Variants in PRELID2 observed in about 807,000 individuals in gnomAD.
The protein encoded by PRELID2 is PRELI domain-containing protein 2.
In PRELID2, 25 loss-of-function variants were observed where a neutral mutation model predicts 28.4. The observed-to-expected ratio is 0.88, with a 90% CI of 0.64 to 1.23. PRELID2 has a LOEUF of 1.23. Ranked by LOEUF, PRELID2 falls within the 50% of genes most tolerant of loss-of-function variation. The pLI, the probability that PRELID2 is intolerant of heterozygous loss-of-function variation, is 0.00. For synonymous variants in PRELID2, 76 were observed against 71.6 expected (o/e 1.06, Z -0.31); for missense variants, 201 against 214.4 (o/e 0.94, Z 0.39).
intron 5 of PRELID2, among the ~76,000 whole-genome samples, chr5:145,788,760 T>A (rs1752171529): frequency 6.6e-6 from 1 of 151,934 alleles, no homozygotes; most frequent in African/African-American, 2.4e-5. Context: ...TATATATATA[T>A]AAAACCCTAA....
At chr5:145,665,066 T>C (rs1038684645) in intron 1 of PRELID2, among the ~76,000 whole-genome samples, 1 of 152,066 alleles carries the variant, frequency 6.6e-6, no homozygotes, top group African/African-American at 2.4e-5. Context: ...GAAGGAAAGT[T>C]GCAGTCTCTC....
chr5:145,428,535 C>A, the PRELID2 span, among the ~76,000 whole-genome samples: 15 of 152,072 alleles, frequency 9.9e-5, no homozygotes, highest in South Asian at 3.1e-3. Flanking sequence ...GGAAGGGCTA[C>A]GGAGAAGTTG....
At chr5:145,236,183 G>A in the PRELID2 span, among the ~76,000 whole-genome samples, 4 of 152,122 alleles carry the variant, frequency 2.6e-5, no homozygotes, top group Non-Finnish European at 4.4e-5. Context: ...GTGGTAGATT[G>A]CATGATCATT....
the PRELID2 span, among the ~76,000 whole-genome samples, chr5:145,422,067 T>C: frequency 1.4e-5 from 2 of 140,412 alleles, no homozygotes; most frequent in Non-Finnish European, 3.1e-5. Flanking sequence ...TAATCCTGAG[T>C]TCTAGTTTGA....
chr5:145,373,931 T>C, the PRELID2 span, among the ~76,000 whole-genome samples: 94 of 137,316 alleles, frequency 6.8e-4, no homozygotes, highest in African/African-American at 2.2e-3. Flanking sequence ...TTATATATTA[T>C]AACATAATAT....
the PRELID2 span, among the ~76,000 whole-genome samples, chr5:145,434,913 G>A: frequency 1.6e-4 from 24 of 152,116 alleles, no homozygotes; most frequent in South Asian, 4.1e-4. Context: ...GAAGACTCAG[G>A]TTCAATCCCT....
the PRELID2 span, among the ~76,000 whole-genome samples, chr5:145,372,800 G>T: frequency 6.8e-6 from 1 of 147,900 alleles, no homozygotes; most frequent in Admixed American, 6.9e-5. Flanking sequence ...CTCTTAATTT[G>T]CCAGTCTGTA....
chr5:145,337,045 T>C, the PRELID2 span, among the ~76,000 whole-genome samples: 2 of 151,034 alleles, frequency 1.3e-5, no homozygotes, highest in African/African-American at 4.9e-5. Context: ...CACACCAGCA[T>C]TGCACATGTA....
At position 145,523,752 on chromosome 5, in the gene PRELID2, A is replaced by G. The variant is rs115777192; in HGVS notation, n.71-50437T>C. On this transcript the variant is annotated intron_variant and non_coding_transcript_variant, in intron 1 of 2. Coordinates refer to the PRELID2 transcript ENST00000510259. ...AACACTGGGAAGTTAGGGCTTCCTC[A>G]TACCAATTTTGGGAGAACACAAATA... Among the ~76,000 whole-genome samples, 398 of 152,256 alleles carry G rather than the reference A, an allele frequency of 2.6e-3. 2 individuals are homozygous for G. Among genetic ancestry groups the G allele is most frequent in the African/African-American group, 9.2e-3 (384 of 41,560 alleles).
At chr5:145,255,162 TA>T in the PRELID2 span, among the ~76,000 whole-genome samples, 12 of 152,176 alleles carry the variant, frequency 7.9e-5, no homozygotes, top group African/African-American at 2.9e-4. Context: ...GGCATTCAAT[TA>T]AAAATTATGA....
At chr5:145,289,063 T>C in the PRELID2 span, among the ~76,000 whole-genome samples, 97 of 152,196 alleles carry the variant, frequency 6.4e-4, no homozygotes, top group African/African-American at 2.3e-3. Context: ...TTCCATAAAG[T>C]TTCATACATT....
chr5:145,262,896 G>T, the PRELID2 span, among the ~76,000 whole-genome samples: 1 of 151,980 alleles, frequency 6.6e-6, no homozygotes, highest in Non-Finnish European at 1.5e-5. Flanking sequence ...ATACAGAATG[G>T]CATAATGCAT....
chr5:145,657,987 C>T (rs1233453597), intron 1 of PRELID2, among the ~76,000 whole-genome samples: 3 of 152,160 alleles, frequency 2.0e-5, no homozygotes, highest in African/African-American at 7.2e-5. Context: ...AAATAACATG[C>T]TCATAGATGT....
At chr5:145,530,651 C>G (rs991027869) in intron 1 of PRELID2, among the ~76,000 whole-genome samples, 1 of 152,016 alleles carries the variant, frequency 6.6e-6, no homozygotes, top group Non-Finnish European at 1.5e-5. Context: ...TGGTACCAAA[C>G]AGTAGGCTAA....
At chr5:145,244,482 GAC>G in the PRELID2 span, among the ~76,000 whole-genome samples, 241 of 152,126 alleles carry the variant, frequency 1.6e-3, 1 homozygote, top group African/African-American at 5.6e-3. Flanking sequence ...AAGATGCAGT[GAC>G]ACAGCCTTGG....
intron 1 of PRELID2, among the ~76,000 whole-genome samples, chr5:145,673,375 G>A (rs139819319): frequency 1.7e-3 from 265 of 152,128 alleles, no homozygotes; most frequent in African/African-American, 6.0e-3. Context: ...GGAAGTATCA[G>A]GCACTATTCA....
chr5:145,601,782 T>C (rs1379603543), intron 1 of PRELID2, among the ~76,000 whole-genome samples: 2 of 152,196 alleles, frequency 1.3e-5, no homozygotes, highest in Non-Finnish European at 2.9e-5. Context: ...AGGATGTGAA[T>C]ATAAGTAACT....
chr5:145,487,100 G>A (rs531424731), intron 1 of PRELID2, among the ~76,000 whole-genome samples: 1 of 124,164 alleles, frequency 8.1e-6, no homozygotes, highest in East Asian at 2.7e-4. Flanking sequence ...GTGGGGTGGG[G>A]GGAGGGGGGA....
intron 1 of PRELID2, among the ~76,000 whole-genome samples, chr5:145,521,642 TA>T (rs1399957171): frequency 6.6e-6 from 1 of 152,138 alleles, no homozygotes; most frequent in Non-Finnish European, 1.5e-5. Context: ...ATCTGCCTCA[TA>T]ATCCCTATCT....
Sources: allele counts gnomAD v4.1 joint callset (sites outside exome capture counted in the v4.1 genomes callset), GRCh38; gene constraint gnomAD v4.1.1; transcripts MANE v1.5; gene names NCBI Gene and HGNC (gene_info 2026-07-23, HGNC 2026-07-21).